MAP3K7: variants seen among roughly 807,000 people sequenced by gnomAD.
MAP3K7 encodes mitogen-activated protein kinase kinase kinase 7.
Under a neutral mutation model 84.8 loss-of-function variants are expected in MAP3K7, and 21 were observed. The observed-to-expected ratio is 0.25, with a 90% confidence interval of 0.18 to 0.36. The LOEUF (loss-of-function observed/expected upper bound fraction) is 0.36. MAP3K7 is among the 10% of genes least tolerant of loss of function. MAP3K7 has a pLI of 1.00. For missense variants in MAP3K7, 503 were observed against 747.7 expected, an observed-to-expected ratio of 0.67 and a Z score of 3.82; for synonymous variants, 241 against 247.7, an observed-to-expected ratio of 0.97 and a Z score of 0.25.
At chr6:90,524,483 GA>G (rs1775257015) in intron 13 of MAP3K7, among the ~76,000 whole-genome samples, 1 of 152,134 alleles carries the variant, frequency 6.6e-6, no homozygotes, top group African/African-American at 2.4e-5. Context: ...ACAGGAGACA[GA>G]AAAAGCAGCC....
At chr6:90,577,217 A>C (rs1361401829) in intron 1 of MAP3K7, among the ~76,000 whole-genome samples, 2 of 152,218 alleles carry the variant, frequency 1.3e-5, no homozygotes, top group African/African-American at 2.4e-5. Context: ...GGACAGGTGT[A>C]GAGGAAAAGA....
chr6:90,574,807 G>A (rs973196011), intron 1 of MAP3K7, among the ~76,000 whole-genome samples: 4 of 152,128 alleles, frequency 2.6e-5, no homozygotes, highest in Non-Finnish European at 4.4e-5. Flanking sequence ...AACAAAATGT[G>A]GTCAAATGAG....
intron 5 of MAP3K7, among the ~76,000 whole-genome samples, chr6:90,557,575 T>C (rs1582211064): frequency 6.6e-6 from 1 of 152,224 alleles, no homozygotes; most frequent in African/African-American, 2.4e-5. Flanking sequence ...ACAAAGCTTT[T>C]TTCCCGCATC....
Position 90,571,811 on chromosome 6 carries a change from A to G in MAP3K7, c.121-4T>C. On this transcript the variant is annotated splice_polypyrimidine_tract_variant and splice_region_variant and intron_variant, in intron 1 of 16. Coordinates refer to ENST00000369329, the MANE Select transcript of MAP3K7 (RefSeq NM_145331.3). ...CAAAGGCTCCTCTTCCAACAACCTG[A>G]GTTAAACAAACAAACAAAAAACAAA... 6.5e-7 allele frequency: 1 copy of G among 1,546,176 alleles called. No homozygotes were observed. The highest frequency in any genetic ancestry group is 8.8e-7 in the Non-Finnish European group (1 of 1,137,208).
intron 9 of MAP3K7, 151 bp downstream of exon 9, chr6:90,550,317 C>T (rs1003166191): frequency 2.1e-5 from 11 of 518,692 alleles, no homozygotes; most frequent in South Asian, 5.9e-5. Context: ...TGAAGAATGA[C>T]GCACCTGTAA....
intron 3 of MAP3K7, among the ~76,000 whole-genome samples, chr6:90,563,904 G>A (rs2127980615): frequency 6.6e-6 from 1 of 152,260 alleles, no homozygotes; most frequent in African/African-American, 2.4e-5. Context: ...AGAGAGTGGG[G>A]GCCAATAGTC....
At chr6:90,523,986 GAA>G (rs1414239431) in intron 13 of MAP3K7, among the ~76,000 whole-genome samples, 2 of 152,124 alleles carry the variant, frequency 1.3e-5, no homozygotes, top group Non-Finnish European at 2.9e-5. Flanking sequence ...GAGCTTGCAA[GAA>G]ACTAAGAAAT....
intron 2 of MAP3K7, among the ~76,000 whole-genome samples, chr6:90,570,860 A>T (rs143153787): frequency 4.1e-4 from 63 of 152,336 alleles, no homozygotes; most frequent in African/African-American, 1.5e-3. Flanking sequence ...AGCTGAGGCT[A>T]GACTCCTAGA....
chr6:90,529,755 T>C (rs1345341169), intron 13 of MAP3K7, among the ~76,000 whole-genome samples: 5 of 152,202 alleles, frequency 3.3e-5, no homozygotes, highest in African/African-American at 4.8e-5. Flanking sequence ...CCCGAAATTA[T>C]AGTAGTCTCA....
intron 13 of MAP3K7, among the ~76,000 whole-genome samples, chr6:90,524,707 T>C (rs185849): frequency 0.71 from 107,575 of 151,996 alleles, 38,432 homozygotes; most frequent in Middle Eastern, 0.8. Context: ...CAAGATGCAA[T>C]AAGGAATAGT....
intron 9 of MAP3K7, among the ~76,000 whole-genome samples, chr6:90,549,750 T>A (rs545201268): frequency 5.9e-5 from 9 of 152,242 alleles, no homozygotes; most frequent in African/African-American, 1.9e-4. Context: ...TCAAAATATT[T>A]TCAGTAAAAC....
intron 13 of MAP3K7, 127 bp downstream of exon 13, chr6:90,536,210 G>T: frequency 6.3e-6 from 4 of 631,702 alleles, no homozygotes; most frequent in Non-Finnish European, 8.3e-6. Context: ...TTAAGTTCAG[G>T]TGCAATGAAT....
At chr6:90,543,353 G>A (rs1775911431) in intron 12 of MAP3K7, among the ~76,000 whole-genome samples, 1 of 151,998 alleles carries the variant, frequency 6.6e-6, no homozygotes, top group East Asian at 1.9e-4. Flanking sequence ...CAGACAAAAT[G>A]GCACCTAAGA....
chr6:90,544,658 A>G, intron 11 of MAP3K7, 26 bp from the exon 12 acceptor site: 1 of 1,579,948 alleles, frequency 6.3e-7, no homozygotes, highest in South Asian at 1.1e-5. Context: ...TATACAGTAT[A>G]CATGCAAACA....
intron 5 of MAP3K7, 127 bp from the exon 6 acceptor site, chr6:90,556,751 A>C (rs1016745674): frequency 8.8e-6 from 8 of 911,646 alleles, no homozygotes; most frequent in African/African-American, 1.7e-5. Context: ...AACTTCTGTG[A>C]AATGACTAAT....
In MAP3K7 at chr6:90,516,162, T is replaced by C. The variant is rs112828311; in HGVS notation, c.*339A>G. 114 of 265,540 alleles carry C rather than the reference T, an allele frequency of 4.3e-4. 1 individual carries two copies. The highest frequency in any genetic ancestry group is 2.4e-3 in the African/African-American group (104 of 44,018). The allele number at this position is 265,540 out of a possible 1,614,324, so 16.4% of individuals were successfully genotyped here. A position where few individuals can be genotyped will look rare whatever the true frequency, so the allele number is the denominator to read the frequency against. ...TCTAATATGAAAAAATGGACGCTGT[T>C]TGCACATAGCAGCTAGTTTGATACC... On this transcript the variant is annotated 3_prime_UTR_variant, in exon 17 of 17. Transcript: ENST00000369329.
At chr6:90,519,861 C>T (rs963619604) in intron 14 of MAP3K7, among the ~76,000 whole-genome samples, 18 of 152,036 alleles carry the variant, frequency 1.2e-4, no homozygotes, top group African/African-American at 4.1e-4. Flanking sequence ...AGAATCACTG[C>T]AGAAAACGAG....
At position 90,547,300 on chromosome 6, in the gene MAP3K7, C is replaced by T; in HGVS notation, c.1168G>A (p.Ala390Thr). ...PPTSEGKRMS[A>T]DMSEIEARIA... ...CTAGCTTCTATTTCAGACATGTCAG[C>T]ACTCATCCTCTTGCCCTCAGAGGTT... The change falls in exon 11 of 17, where the codon GCT becomes ACT. Residue 390 changes from alanine to threonine, a missense_variant. This residue lies in a region of MAP3K7 where 286 missense variants were observed against 313.6 expected (regional missense o/e 0.91). Coordinates refer to ENST00000369329, the MANE Select transcript of MAP3K7 (RefSeq NM_145331.3). The T allele has an allele frequency of 6.2e-7, 1 of 1,613,412 alleles. No homozygotes were observed. Among genetic ancestry groups the T allele is most frequent in the Non-Finnish European group, 8.5e-7 (1 of 1,179,634 alleles).
chr6:90,580,230 T>C (rs1777224162), intron 1 of MAP3K7, among the ~76,000 whole-genome samples: 1 of 152,152 alleles, frequency 6.6e-6, no homozygotes, highest in Non-Finnish European at 1.5e-5. Flanking sequence ...GAAAGCAAAT[T>C]TGATATTTTT....
Sources: gnomAD v4.1 joint callset for allele counts (sites outside exome capture counted in the v4.1 genomes callset) on GRCh38, gnomAD v4.1.1 for gene constraint, gnomAD v4.1.1 regional missense constraint, MANE v1.5 for transcripts, NCBI Gene and HGNC (gene_info 2026-07-23, HGNC 2026-07-21) for gene names.